Variants in SPTBN4 observed in about 807,000 individuals in gnomAD.
SPTBN4 encodes spectrin beta, non-erythrocytic 4.
A neutral mutation model predicts 277.8 loss-of-function variants in SPTBN4; 96 were observed. The ratio of observed to expected loss-of-function variants is 0.35; its 90% CI spans 0.29 to 0.41. The LOEUF (loss-of-function observed/expected upper bound fraction) is 0.41. Ranked by LOEUF, SPTBN4 falls within the 10% of genes least tolerant of loss-of-function variation. The pLI, the probability that SPTBN4 is intolerant of heterozygous loss-of-function variation, is 1.00. For synonymous variants in SPTBN4, 1,481 were observed against 1,580.3 expected (o/e 0.94, Z 1.49); for missense variants, 3,006 against 3,595.7 (o/e 0.84, Z 4.19).
In SPTBN4 at chr19:40,467,032, C is replaced by T. The variant is rs562161657; in HGVS notation, c.-289C>T. Among the ~76,000 whole-genome samples, 51 of 151,586 alleles carry T rather than the reference C, an allele frequency of 3.4e-4. No homozygotes were observed. In the South Asian group the frequency reaches 9.5e-3, roughly 28 times the overall value. On this transcript the variant is annotated 5_prime_UTR_variant, in exon 1 of 36. Transcript: ENST00000598249. ...CCCTCGCGAGTGCAGCCGTGCACCCCACGCCGCGGCCGGGTGTGACTGCGC... is the reference window on the plus strand; with the variant it reads ...CCCTCGCGAGTGCAGCCGTGCACCCTACGCCGCGGCCGGGTGTGACTGCGC...
At chr19:40,521,527 A>G (rs960374786) in intron 16 of SPTBN4, among the ~76,000 whole-genome samples, 5 of 152,082 alleles carry the variant, frequency 3.3e-5, no homozygotes, top group African/African-American at 7.2e-5. Flanking sequence ...GGAGTGTGCA[A>G]CCTGGATCCC....
intron 27 of SPTBN4, among the ~76,000 whole-genome samples, chr19:40,564,836 A>G (rs2081075606): frequency 6.9e-6 from 1 of 144,692 alleles, no homozygotes; most frequent in Non-Finnish European, 1.5e-5. Flanking sequence ...GACCCTATTA[A>G]AAAAAAAAAA....
chr19:40,572,204 A>C lies in SPTBN4; in HGVS notation c.7493+12A>C. On this transcript the variant is annotated intron_variant, in intron 34 of 35. Coordinates refer to ENST00000598249, the MANE Select transcript of SPTBN4 (RefSeq NM_020971.3). ...GTCTTCAAGCTCCAGTGAGCCCCCC[A>C]ATGGGCAGGAGGGAGGGATCCAAGG... 6.3e-7 allele frequency: 1 copy of C among 1,594,028 alleles called. No individual in the cohort carries two copies.
At position 40,519,373 on chromosome 19, in the gene SPTBN4, C is replaced by T. The variant is rs1486013087; in HGVS notation, c.2904-28C>T. 2 of 1,497,602 alleles carry T rather than the reference C, an allele frequency of 1.3e-6. No individual in the cohort carries two copies. Among genetic ancestry groups the T allele is most frequent in the South Asian group, 1.3e-5 (1 of 74,924 alleles). 92.8% of individuals were successfully genotyped at this position (1,497,602 alleles called of 1,614,324 possible). A position where few individuals can be genotyped will look rare whatever the true frequency, so the allele number is the denominator to read the frequency against. On this transcript the variant is annotated intron_variant, in intron 15 of 35. Transcript: ENST00000598249. This position sits in a 1 kb window ranked among gnomAD's most constrained non-coding sequence, Gnocchi z 5.7. The stretch of plus-strand genomic sequence containing the variant: ...GCGCCCAAGAGGAGTCCCTGTCCTC[C>T]TCAAGTCACTCTCTTTCCCCTGGGC...
rs1404266623 is a variant in SPTBN4, at chr19:40,570,709, A to T, written c.7300A>T (p.Asn2434Tyr). Residue 2434 changes from asparagine to tyrosine, a missense_variant, in exon 33 of 36, where the codon AAC (asparagine) becomes TAC (tyrosine). Coordinates refer to ENST00000598249, the MANE Select transcript of SPTBN4 (RefSeq NM_020971.3). ...FLLRKRELDANRKSSNRSWVS... is the reference protein window; with the variant it reads ...FLLRKRELDAYRKSSNRSWVS... ...ACTGCGCAAGCGCGAGCTCGACGCT[A>T]ACCGCAAGTCGTCCAACCGGTGAGC... is the stretch of plus-strand genomic sequence containing the variant. The T allele has an allele frequency of 6.2e-7, 1 of 1,608,358 alleles. No homozygotes were observed. The highest frequency in any genetic ancestry group is 1.1e-5 in the South Asian group (1 of 90,608).
rs1478936016 is a variant in SPTBN4 at position 40,549,211 on chromosome 19, A to G, written c.4382A>G (p.Glu1461Gly). The G allele has an allele frequency of 3.2e-6, 5 of 1,547,124 alleles. No individual in the cohort carries two copies. Among genetic ancestry groups the G allele is most frequent in the Non-Finnish European group, 4.4e-6 (5 of 1,146,676 alleles). ...KLQSMESQVE[E>G]WYREVGELQA... Reference sequence around the variant, plus strand: ...CAGTCCATGGAGTCGCAGGTGGAGGAGTGGTACCGCGAGGTGGGAGAGCTG... The same window carrying G: ...CAGTCCATGGAGTCGCAGGTGGAGGGGTGGTACCGCGAGGTGGGAGAGCTG... The change falls in exon 21 of 36, where the codon GAG becomes GGG. Residue 1461 changes from glutamate (E) to glycine (G), a missense_variant. By Grantham distance (98) the Glu-to-Gly change is moderately conservative. Coordinates refer to ENST00000598249, the MANE Select transcript of SPTBN4 (RefSeq NM_020971.3).
chr19:40,536,776 T>G (rs2080741993), intron 20 of SPTBN4, among the ~76,000 whole-genome samples: 1 of 152,146 alleles, frequency 6.6e-6, no homozygotes, highest in African/African-American at 2.4e-5. Flanking sequence ...AGCAACAGCC[T>G]GTCTCTATTT....
intron 1 of SPTBN4, among the ~76,000 whole-genome samples, chr19:40,467,756 A>G (rs2079843151): frequency 6.6e-6 from 1 of 151,966 alleles, no homozygotes; most frequent in African/African-American, 2.4e-5. Flanking sequence ...GGCTAACAGG[A>G]GTGCTAAGGG....
intron 2 of SPTBN4, 46 bp downstream of exon 2, chr19:40,472,836 G>A: frequency 6.8e-7 from 1 of 1,464,936 alleles, no homozygotes; most frequent in Non-Finnish European, 9.2e-7. Flanking sequence ...GGGGGAAGGG[G>A]GAAGGGTGCC....
intron 22 of SPTBN4, among the ~76,000 whole-genome samples, chr19:40,553,832 G>T (rs2080944983): frequency 6.6e-6 from 1 of 152,120 alleles, no homozygotes; most frequent in Non-Finnish European, 1.5e-5. Flanking sequence ...TCTTGGGTCG[G>T]CAAGCGGCTT....
intron 22 of SPTBN4, among the ~76,000 whole-genome samples, chr19:40,552,184 G>A (rs1330799082): frequency 1.3e-5 from 2 of 150,592 alleles, no homozygotes; most frequent in Non-Finnish European, 3.0e-5. Flanking sequence ...GGCCAGGTGC[G>A]GTGGCTCACG....
Position 40,519,417 on chromosome 19 carries a change from G to C in SPTBN4, c.2920G>C (p.Glu974Gln). The change falls in exon 16 of 36, where the codon GAG (glutamate) becomes CAG (glutamine). Residue 974 changes from glutamate (E) to glutamine (Q), a missense_variant. By Grantham distance (29) the Glu-to-Gln change is conservative. Coordinates refer to ENST00000598249, the MANE Select transcript of SPTBN4 (RefSeq NM_020971.3). The surrounding 1 kb of genome is among the most constrained non-coding windows in gnomAD (Gnocchi z 5.7). Reference sequence around the variant, plus strand: ...CCTGGGCAGGTGGAACCGCATCGTGGAGCTAGTGGAACAGCGCAAAGAGGA... The same window carrying C: ...CCTGGGCAGGTGGAACCGCATCGTGCAGCTAGTGGAACAGCGCAAAGAGGA... ...HLNSRWNRIV[E>Q]LVEQRKEEMS... The C allele has an allele frequency of 6.3e-7, 1 of 1,580,008 alleles. No homozygotes were observed. Among genetic ancestry groups the C allele is most frequent in the Non-Finnish European group, 8.6e-7 (1 of 1,165,262 alleles).
Position 40,569,667 on chromosome 19 carries a change from C to T in SPTBN4, c.6967C>T (p.Leu2323=), listed in dbSNP as rs755079676. ...TCCCCCATCCCCCAGGAAGGCCACC[C>T]TGGCTGACATTGTGGAACAGCTGCA... ...RGDLVKGKAT[L]ADIVEQLQEK... The change falls in exon 32 of 36, where the codon CTG becomes TTG. Residue 2323 remains leucine, a synonymous_variant. Transcript: ENST00000598249. The T allele has an allele frequency of 3.1e-6, 5 of 1,612,648 alleles. No individual in the cohort carries two copies. Among genetic ancestry groups the T allele is most frequent in the East Asian group, 2.2e-5 (1 of 44,746 alleles).
At chr19:40,533,232 G>A (rs1028363024) in intron 19 of SPTBN4, among the ~76,000 whole-genome samples, 1 of 152,098 alleles carries the variant, frequency 6.6e-6, no homozygotes, top group Non-Finnish European at 1.5e-5. Flanking sequence ...ACCTCTTGGA[G>A]CCTCAGTTTG....
chr19:40,545,400 A>C (rs1017866866), intron 20 of SPTBN4, among the ~76,000 whole-genome samples: 7 of 151,928 alleles, frequency 4.6e-5, no homozygotes, highest in African/African-American at 1.7e-4. Flanking sequence ...GGCCTATGAC[A>C]GTATTTCTTT....
rs540885096 is a variant in SPTBN4, at chr19:40,535,708, G to A, written c.4359+1365G>A. On this transcript the variant is annotated intron_variant, in intron 20 of 35. Coordinates refer to ENST00000598249, the MANE Select transcript of SPTBN4 (RefSeq NM_020971.3). ...AGCACTTCGGGAGGCCGAGGCGGGC[G>A]GATCACGAGGTCAACAGTTCGAGAC... Among the ~76,000 whole-genome samples the A allele has an allele frequency of 3.1e-4, 47 of 152,228 alleles. No homozygotes were observed. In the South Asian group the frequency reaches 3.5e-3, roughly 11 times the overall value.
In SPTBN4 at chr19:40,472,810, G is replaced by A; in HGVS notation, c.169+20G>A. Reference sequence around the variant, plus strand: ...TGGCAGGTACCTGGAGGAGGGCTGGGGTGGGATGAGGAGGAGGGGGAAGGG... The same window carrying A: ...TGGCAGGTACCTGGAGGAGGGCTGGAGTGGGATGAGGAGGAGGGGGAAGGG... On this transcript the variant is annotated intron_variant, in intron 2 of 35. Transcript: ENST00000598249. The A allele has an allele frequency of 6.5e-7, 1 of 1,535,826 alleles. No individual in the cohort carries two copies. The highest frequency in any genetic ancestry group is 8.8e-7 in the Non-Finnish European group (1 of 1,135,470).
intron 25 of SPTBN4, 45 bp from the exon 26 acceptor site, chr19:40,556,978 C>T: frequency 1.3e-6 from 2 of 1,518,880 alleles, no homozygotes; most frequent in East Asian, 2.3e-5. Context: ...TATGCTGCCC[C>T]TTTGCTCACT....
Position 40,560,099 on chromosome 19 carries a change from G to GA in SPTBN4, c.5671-59dup. 2.0e-6 allele frequency: 3 copies of GA among 1,512,034 alleles called. No individual in the cohort carries two copies. The highest frequency in any genetic ancestry group is 2.6e-6 in the Non-Finnish European group (3 of 1,135,656). 93.7% of individuals were successfully genotyped at this position (1,512,034 alleles called of 1,614,324 possible). ...GGTTCTGCGCTGGAGCAGATGGTGG[G>GA]AGGGAGGGCACAGCCTGGGCCCCGT... is the stretch of plus-strand genomic sequence containing the variant. On this transcript the variant is annotated intron_variant, in intron 26 of 35. Coordinates refer to ENST00000598249, the MANE Select transcript of SPTBN4 (RefSeq NM_020971.3). This position sits in a 1 kb window ranked among gnomAD's most constrained non-coding sequence, Gnocchi z 5.2.
Sources: gnomAD v4.1 joint callset for allele counts (sites outside exome capture counted in the v4.1 genomes callset) on GRCh38, gnomAD v4.1.1 for gene constraint, Gnocchi (gnomAD v3.1) non-coding constraint, MANE v1.5 for transcripts, NCBI Gene and HGNC (gene_info 2026-07-23, HGNC 2026-07-21) for gene names.